The following SFRP1 variants were observed in gnomAD, a reference collection of about 807,000 sequenced individuals.
SFRP1 encodes the protein secreted frizzled-related protein 1.
Under a neutral mutation model 25.9 loss-of-function variants are expected in SFRP1, and 9 were observed. That is an observed-to-expected ratio of 0.35 (90% CI 0.21 to 0.61). The LOEUF is 0.61. SFRP1 is among the 20% of genes least tolerant of loss of function. SFRP1 has a pLI of 0.78. For missense variants in SFRP1, 346 were observed against 418.2 expected (o/e 0.83, Z 1.51); for synonymous variants, 178 against 174.0 (o/e 1.02, Z -0.18).
chr8:41,289,814 T>C (rs1432266177), intron 2 of SFRP1, among the ~76,000 whole-genome samples: 1 of 152,252 alleles, frequency 6.6e-6, no homozygotes. Context: ...GTTTGTATAA[T>C]GGCATCAATG....
chr8:41,279,999 G>A (rs939942354), intron 2 of SFRP1, among the ~76,000 whole-genome samples: 4 of 152,132 alleles, frequency 2.6e-5, no homozygotes, highest in African/African-American at 7.2e-5. Flanking sequence ...GTCAATAGCA[G>A]GAAGGCTTGA....
intron 2 of SFRP1, among the ~76,000 whole-genome samples, chr8:41,292,966 G>A (rs926461929): frequency 6.6e-5 from 10 of 152,160 alleles, no homozygotes; most frequent in African/African-American, 2.2e-4. Flanking sequence ...AACAAAGGTC[G>A]AGACTCCTTC....
intron 2 of SFRP1, among the ~76,000 whole-genome samples, chr8:41,290,756 T>C (rs1460691256): frequency 1.3e-5 from 2 of 151,990 alleles, no homozygotes; most frequent in East Asian, 3.9e-4. Flanking sequence ...CCAGGGCTCC[T>C]CTCTCCCTCC....
At chr8:41,290,865 T>TCTTCTC (rs1170341671) in intron 2 of SFRP1, among the ~76,000 whole-genome samples, 2 of 142,218 alleles carry the variant, frequency 1.4e-5, no homozygotes, top group Non-Finnish European at 3.0e-5. Context: ...GTCTTTGTCT[T>TCTTCTC]CTTCTCCTCC....
rs145250373 is a variant in SFRP1, at chr8:41,291,708, C to T, written c.622+11753G>A. ...ACACCCCATGACCATTTTCTGGACACTCACCAGCGCGGAGCCCAGCACACA... is the reference window on the plus strand; with the variant it reads ...ACACCCCATGACCATTTTCTGGACATTCACCAGCGCGGAGCCCAGCACACA... On this transcript the variant is annotated intron_variant, in intron 2 of 2. Transcript: ENST00000220772. Among the ~76,000 whole-genome samples, 79 of 152,282 alleles carry T rather than the reference C, an allele frequency of 5.2e-4. 5 individuals are homozygous for T. The highest frequency in any genetic ancestry group is 5.0e-3 in the East Asian group (26 of 5,174).
At chr8:41,272,543 A>G (rs925911456) in intron 2 of SFRP1, among the ~76,000 whole-genome samples, 1 of 152,242 alleles carries the variant, frequency 6.6e-6, no homozygotes, top group African/African-American at 2.4e-5. Flanking sequence ...CAGGAGGCAG[A>G]GGTTGCAGTG....
At chr8:41,304,550 G>C (rs1803969566) in intron 1 of SFRP1, among the ~76,000 whole-genome samples, 1 of 152,154 alleles carries the variant, frequency 6.6e-6, no homozygotes, top group South Asian at 2.1e-4. Context: ...GAAGAGCACA[G>C]GAAAGTCACC....
intron 2 of SFRP1, among the ~76,000 whole-genome samples, chr8:41,274,444 T>C (rs1048367583): frequency 6.6e-6 from 1 of 152,202 alleles, no homozygotes; most frequent in African/African-American, 2.4e-5. Flanking sequence ...GTACACTACA[T>C]GGCTCAGCTG....
intron 1 of SFRP1, among the ~76,000 whole-genome samples, chr8:41,307,554 G>A (rs1370523238): frequency 6.6e-6 from 1 of 152,148 alleles, no homozygotes; most frequent in African/African-American, 2.4e-5. Context: ...GGAAGCCTGC[G>A]TCTGTGCTAA....
rs746639276 is a variant in SFRP1, at chr8:41,265,135, G to A, written c.*32C>T. The A allele has an allele frequency of 2.9e-4, 24 of 81,426 alleles. No homozygotes were observed. Among genetic ancestry groups the A allele is most frequent in the African/African-American group, 1.8e-3 (22 of 12,426 alleles). 5.0% of individuals were successfully genotyped at this position (81,426 alleles called of 1,614,324 possible). ...TGTCCCCCCCGCTCCCACCCCACCC[G>A]AGGCTCCCTCCCCACCCTGCCCCCG... is the stretch of plus-strand genomic sequence containing the variant. On this transcript the variant is annotated 3_prime_UTR_variant, in exon 3 of 3. Transcript: ENST00000220772.
intron 2 of SFRP1, among the ~76,000 whole-genome samples, chr8:41,292,671 A>G (rs763023298): frequency 6.6e-6 from 1 of 152,206 alleles, no homozygotes; most frequent in Non-Finnish European, 1.5e-5. Flanking sequence ...ACTTCTGTCT[A>G]CACAGCTAAA....
At position 41,265,145 on chromosome 8, in the gene SFRP1, C is replaced by T; in HGVS notation, c.*22G>A. 1 of 1,203,844 alleles carries T rather than the reference C, an allele frequency of 8.3e-7. No homozygotes were observed. Among genetic ancestry groups the T allele is most frequent in the Middle Eastern group, 2.6e-4 (1 of 3,836 alleles). 74.6% of individuals were successfully genotyped at this position (1,203,844 alleles called of 1,614,324 possible). A position where few individuals can be genotyped will look rare whatever the true frequency, so the allele number is the denominator to read the frequency against. On this transcript the variant is annotated 3_prime_UTR_variant, in exon 3 of 3. Transcript: ENST00000220772. ...GCTCCCACCCCACCCGAGGCTCCCT[C>T]CCCACCCTGCCCCCGGGAGAATCAC...
chr8:41,277,514 G>A (rs1297440733), intron 2 of SFRP1, among the ~76,000 whole-genome samples: 1 of 152,224 alleles, frequency 6.6e-6, no homozygotes, highest in Non-Finnish European at 1.5e-5. Flanking sequence ...GCTAGAGTGA[G>A]CATCATCAGA....
chr8:41,299,155 G>C (rs960504739), intron 2 of SFRP1, among the ~76,000 whole-genome samples: 3 of 149,460 alleles, frequency 2.0e-5, no homozygotes, highest in Admixed American at 6.7e-5. Context: ...CAGGCTCTCA[G>C]CTGGGACTCA....
chr8:41,307,443 CTCTTTTAGCA>C (rs1387767041), intron 1 of SFRP1, among the ~76,000 whole-genome samples: 1 of 152,190 alleles, frequency 6.6e-6, no homozygotes, highest in Non-Finnish European at 1.5e-5. Flanking sequence ...CTGCACTCCC[CTCTTTTAGCA>C]TCAATAACAG....
At chr8:41,280,571 G>C (rs931174937) in intron 2 of SFRP1, among the ~76,000 whole-genome samples, 1 of 152,156 alleles carries the variant, frequency 6.6e-6, no homozygotes, top group African/African-American at 2.4e-5. Flanking sequence ...CAAGTCACGG[G>C]GCAGAGGTTC....
chr8:41,308,064 T>C (rs377638482), intron 1 of SFRP1, among the ~76,000 whole-genome samples: 1 of 152,244 alleles, frequency 6.6e-6, no homozygotes, highest in African/African-American at 2.4e-5. Flanking sequence ...CCAAGGCTAC[T>C]TGACTGAATG....
Position 41,264,980 on chromosome 8 carries a change from A to G in SFRP1, c.*187T>C. 3.5e-6 allele frequency: 2 copies of G among 575,398 alleles called. No homozygotes were observed. Among genetic ancestry groups the G allele is most frequent in the Non-Finnish European group, 6.1e-6 (2 of 327,248 alleles). 35.6% of individuals were successfully genotyped at this position (575,398 alleles called of 1,614,324 possible). A position where few individuals can be genotyped will look rare whatever the true frequency, so the allele number is the denominator to read the frequency against. ...GCCCTTGCTTTACCCGGCCATGGCT[A>G]CCCTGGGGTTTGGAGCGTGGCTATG... is the stretch of plus-strand genomic sequence containing the variant. On this transcript the variant is annotated 3_prime_UTR_variant, in exon 3 of 3. Transcript: ENST00000220772.
At chr8:41,290,848 T>G (rs888050465) in intron 2 of SFRP1, among the ~76,000 whole-genome samples, 2 of 149,254 alleles carry the variant, frequency 1.3e-5, no homozygotes, top group African/African-American at 4.9e-5. Context: ...ATTATTTGAT[T>G]AATGAGGTCT....
Sources: gnomAD v4.1 joint callset for allele counts (sites outside exome capture counted in the v4.1 genomes callset) on GRCh38, gnomAD v4.1.1 for gene constraint, MANE v1.5 for transcripts, NCBI Gene and HGNC (gene_info 2026-07-23, HGNC 2026-07-21) for gene names.